Variants in EHBP1 observed in about 807,000 individuals in gnomAD.
The protein encoded by EHBP1 is EH domain binding protein 1.
EHBP1 carries 55 observed loss-of-function variants against 144.0 expected under a neutral mutation model. That is an observed-to-expected ratio of 0.38 (90% CI 0.31 to 0.48). The LOEUF is 0.48. Among genes scored for constraint, EHBP1 ranks in the 20% least tolerant of loss-of-function variants. The probability of loss-of-function intolerance (pLI) is 0.98; values close to 1 mark genes in which losing one functional copy is unlikely to be tolerated. For synonymous variants in EHBP1, 469 were observed against 472.7 expected, an observed-to-expected ratio of 0.99 and a Z score of 0.10; for missense variants, 1,200 against 1,364.2, an observed-to-expected ratio of 0.88 and a Z score of 1.90.
intron 4 of EHBP1, 91 bp downstream of exon 4, chr2:62,764,452 G>A: frequency 1.0e-6 from 1 of 995,108 alleles, no homozygotes; most frequent in Non-Finnish European, 1.4e-6. Context: ...CTATACATTT[G>A]TGTCCAGTCT....
Position 62,993,549 on chromosome 2 carries a change from G to A in EHBP1, c.2753G>A (p.Arg918Gln), listed in dbSNP as rs749204081. 2.2e-5 allele frequency: 35 copies of A among 1,593,102 alleles called. No individual in the cohort carries two copies. Among genetic ancestry groups the A allele is most frequent in the African/African-American group, 1.5e-4 (11 of 74,424 alleles). The change falls in exon 17 of 23, where the codon CGG becomes CAG. Residue 918 changes from arginine (R) to glutamine (Q), a missense_variant. Physicochemically the swap from Arg to Gln is conservative, Grantham distance 43. Transcript: ENST00000431489. ...GTTTAGAGTGGCACAGAAGATCTCC[G>A]GACTGAACGATTACAAAAAACAACA... ...QDMKSGTEDL[R>Q]TERLQKTTER...
chr2:62,844,683 TGATGAATACATCACA>T (rs2048168140), intron 7 of EHBP1, among the ~76,000 whole-genome samples: 2 of 152,276 alleles, frequency 1.3e-5, no homozygotes, highest in East Asian at 3.9e-4. Context: ...GACAAGGCCC[TGATGAATACATCACA>T]GAAAATCAAG....
intron 2 of EHBP1, among the ~76,000 whole-genome samples, chr2:62,745,000 G>A (rs756215286): frequency 2.6e-5 from 4 of 152,062 alleles, no homozygotes; most frequent in Non-Finnish European, 4.4e-5. Flanking sequence ...ATTTAGAAAC[G>A]CTTCCCTAGA....
intron 13 of EHBP1, among the ~76,000 whole-genome samples, chr2:62,949,933 A>G (rs555437868): frequency 1.3e-5 from 2 of 152,282 alleles, no homozygotes; most frequent in Non-Finnish European, 2.9e-5. Context: ...TGGTTTTCCT[A>G]TCACTCAGAA....
At chr2:62,768,560 G>A (rs1057219816) in intron 4 of EHBP1, among the ~76,000 whole-genome samples, 1 of 152,146 alleles carries the variant, frequency 6.6e-6, no homozygotes, top group African/African-American at 2.4e-5. Context: ...AGGACCAGAT[G>A]AGTTCACAGC....
intron 5 of EHBP1, among the ~76,000 whole-genome samples, chr2:62,820,224 A>G (rs374541555): frequency 8.8e-5 from 13 of 147,378 alleles, no homozygotes; most frequent in South Asian, 2.2e-4. Context: ...AAAAAAAAAA[A>G]GAAAAAAAAA....
intron 19 of EHBP1, among the ~76,000 whole-genome samples, chr2:63,015,898 A>C (rs1304820751): frequency 6.6e-6 from 1 of 152,146 alleles, no homozygotes; most frequent in East Asian, 1.9e-4. Context: ...GTTGACATCT[A>C]CTCATATAAA....
chr2:63,012,066 G>T (rs1203815621), intron 19 of EHBP1, among the ~76,000 whole-genome samples: 1 of 151,726 alleles, frequency 6.6e-6, no homozygotes, highest in Non-Finnish European at 1.5e-5. Context: ...TTTTTTTAAT[G>T]AACTTTTAAA....
At chr2:62,911,318 G>A (rs1251353101) in intron 10 of EHBP1, among the ~76,000 whole-genome samples, 1 of 152,136 alleles carries the variant, frequency 6.6e-6, no homozygotes, top group Non-Finnish European at 1.5e-5. Flanking sequence ...ACTTGGAAAA[G>A]TTCTGTAAGT....
At chr2:63,018,740 A>C (rs2060584439) in intron 19 of EHBP1, among the ~76,000 whole-genome samples, 1 of 152,232 alleles carries the variant, frequency 6.6e-6, no homozygotes, top group Non-Finnish European at 1.5e-5. Context: ...TTGGAAATGT[A>C]AAGTATAATT....
chr2:62,810,145 G>T (rs1306363789), intron 5 of EHBP1, among the ~76,000 whole-genome samples: 1 of 152,100 alleles, frequency 6.6e-6, no homozygotes, highest in Non-Finnish European at 1.5e-5. Flanking sequence ...TATGTACAGT[G>T]GTATCAACAA....
intron 19 of EHBP1, among the ~76,000 whole-genome samples, chr2:63,021,789 C>T (rs971713072): frequency 4.0e-5 from 6 of 151,176 alleles, no homozygotes; most frequent in African/African-American, 1.2e-4. Flanking sequence ...TTTTTTAAAA[C>T]GGAGTCTCAC....
At chr2:62,860,567 T>C (rs1407065652) in intron 8 of EHBP1, among the ~76,000 whole-genome samples, 4 of 152,174 alleles carry the variant, frequency 2.6e-5, no homozygotes, top group Non-Finnish European at 4.4e-5. Flanking sequence ...AAGCTGAGAC[T>C]GAGAGAAGTT....
intron 9 of EHBP1, among the ~76,000 whole-genome samples, chr2:62,872,354 C>T (rs903809312): frequency 2.6e-5 from 4 of 151,910 alleles, no homozygotes; most frequent in Admixed American, 2.6e-4. Context: ...AAATAATTGT[C>T]TTTTAGAGTG....
chr2:62,682,955 A>G (rs2033581738), intron 1 of EHBP1, among the ~76,000 whole-genome samples: 1 of 152,064 alleles, frequency 6.6e-6, no homozygotes, highest in South Asian at 2.1e-4. Context: ...TTATACGTTA[A>G]GCAAGAGGTA....
chr2:63,024,323 G>C (rs1574515698), intron 19 of EHBP1, among the ~76,000 whole-genome samples: 1 of 152,140 alleles, frequency 6.6e-6, no homozygotes, highest in East Asian at 1.9e-4. Context: ...CCGCCTGGAT[G>C]ACAAGAGCGA....
intron 7 of EHBP1, chr2:62,858,478 T>G (rs1206546693): frequency 1.9e-6 from 3 of 1,611,804 alleles, no homozygotes; most frequent in Middle Eastern, 1.6e-4. Context: ...CAAGCAAATA[T>G]GCGTTCAGCT....
At chr2:62,859,321 T>C in intron 8 of EHBP1, 30 bp downstream of exon 8, 6 of 1,579,484 alleles carry the variant, frequency 3.8e-6, no homozygotes, top group Non-Finnish European at 5.2e-6. Flanking sequence ...TTTTAAAGTC[T>C]TTGTATAGTC....
At chr2:62,752,924 C>T (rs931450403) in intron 3 of EHBP1, among the ~76,000 whole-genome samples, 2 of 152,168 alleles carry the variant, frequency 1.3e-5, no homozygotes, top group Non-Finnish European at 2.9e-5. Flanking sequence ...TTCCTGAATA[C>T]AGCGCACTGA....
Sources: gnomAD v4.1 joint callset for allele counts (sites outside exome capture counted in the v4.1 genomes callset) on GRCh38, gnomAD v4.1.1 for gene constraint, MANE v1.5 for transcripts, NCBI Gene and HGNC (gene_info 2026-07-23, HGNC 2026-07-21) for gene names.